Variants in DNAJC10 observed in about 807,000 individuals in gnomAD.
The protein encoded by DNAJC10 is DnaJ heat shock protein family (Hsp40) member C10.
Under a neutral mutation model 115.0 loss-of-function variants are expected in DNAJC10, and 101 were observed. The ratio of observed to expected loss-of-function variants is 0.88; its 90% confidence interval spans 0.75 to 1.04. The LOEUF (loss-of-function observed/expected upper bound fraction) is 1.04. Ranked by LOEUF, DNAJC10 falls within the 50% of genes least tolerant of loss-of-function variation. The pLI is 0.00. For missense variants in DNAJC10, 981 were observed against 928.8 expected (o/e 1.06, Z -0.73); for synonymous variants, 307 against 301.5 (o/e 1.02, Z -0.19).
chr2:182,735,365 G>A (rs543092265), intron 10 of DNAJC10, among the ~76,000 whole-genome samples: 1 of 151,980 alleles, frequency 6.6e-6, no homozygotes, highest in African/African-American at 2.4e-5. Context: ...ATGCAGTAAA[G>A]TGAATACATC....
chr2:182,732,287 TGAAA>T (rs1250174452), intron 9 of DNAJC10, among the ~76,000 whole-genome samples: 2 of 151,412 alleles, frequency 1.3e-5, no homozygotes, highest in Admixed American at 6.6e-5. Context: ...AGGGAGAGAA[TGAAA>T]GAAAGAGGGA....
chr2:182,759,221 G>C lies in DNAJC10; in HGVS notation c.2059G>C (p.Gly687Arg), dbSNP rs768696338. ...GACTTTCAGTGAAAAAGTTCTACAA[G>C]GGAAAAATCATTGGGTGATTGATTT... is the stretch of plus-strand genomic sequence containing the variant. ...PQTFSEKVLQ[G>R]KNHWVIDFYA... The change falls in exon 21 of 24, where the codon GGG becomes CGG. Residue 687 changes from glycine to arginine, a missense_variant. Gly to Arg is a moderately radical substitution (Grantham distance 125). Transcript: ENST00000264065. 2.5e-6 allele frequency: 4 copies of C among 1,609,660 alleles called. No homozygotes were observed. Among genetic ancestry groups the C allele is most frequent in the Non-Finnish European group, 3.4e-6 (4 of 1,178,996 alleles).
chr2:182,727,843 A>ATTTT (rs997322030), intron 5 of DNAJC10, among the ~76,000 whole-genome samples: 1 of 152,312 alleles, frequency 6.6e-6, no homozygotes, highest in East Asian at 1.9e-4. Context: ...ACAATGTTAA[A>ATTTT]TTTTTTAAGT....
At chr2:182,732,334 GTT>G (rs1491410739) in intron 9 of DNAJC10, among the ~76,000 whole-genome samples, 163 bp from the exon 10 acceptor site, 10 of 151,448 alleles carry the variant, frequency 6.6e-5, no homozygotes, top group African/African-American at 7.3e-5. Context: ...TTGTGTGTGT[GTT>G]TGTATGTGTG....
intron 22 of DNAJC10, among the ~76,000 whole-genome samples, chr2:182,770,238 A>T (rs1694525126): frequency 6.6e-6 from 1 of 152,042 alleles, no homozygotes; most frequent in Non-Finnish European, 1.5e-5. Flanking sequence ...TAGTTTGAAG[A>T]AAGGTACTGT....
Position 182,743,542 on chromosome 2 carries a change from ACAAAT to A in DNAJC10, c.1192-50_1192-46del, listed in dbSNP as rs977145166. 3.1e-6 allele frequency: 4 copies of A among 1,300,814 alleles called. No homozygotes were observed. The African/African-American group carries it at 5.9e-5, about 19-fold the overall frequency. The allele number at this position is 1,300,814 out of a possible 1,614,324, so 80.6% of individuals were successfully genotyped here. The stretch of plus-strand genomic sequence containing the variant: ...CATTTTTGGATTATCATGAATATTT[ACAAAT>A]CAAATGGGTAAGACAGTGTTTTTAT... On this transcript the variant is annotated intron_variant, in intron 13 of 23. Coordinates refer to ENST00000264065, the MANE Select transcript of DNAJC10 (RefSeq NM_018981.4).
chr2:182,752,644 T>C (rs1694052289), intron 16 of DNAJC10: 1 of 790,532 alleles, frequency 1.3e-6, no homozygotes, highest in Non-Finnish European at 1.5e-6. Context: ...ACTCCTCAGT[T>C]GCAGGAAGAA....
At chr2:182,747,311 T>C (rs1163173359) in intron 14 of DNAJC10, among the ~76,000 whole-genome samples, 1 of 152,170 alleles carries the variant, frequency 6.6e-6, no homozygotes, top group Non-Finnish European at 1.5e-5. Context: ...AATCTGTAAA[T>C]TACCTTGGGC....
chr2:182,734,628 T>C (rs570920260), intron 10 of DNAJC10, among the ~76,000 whole-genome samples: 1 of 152,022 alleles, frequency 6.6e-6, no homozygotes, highest in Non-Finnish European at 1.5e-5. Flanking sequence ...ATAATTTTAT[T>C]GTCTGCCTAT....
At chr2:182,741,545 G>T (rs1693737138) in intron 13 of DNAJC10, among the ~76,000 whole-genome samples, 189 bp downstream of exon 13, 1 of 151,886 alleles carries the variant, frequency 6.6e-6, no homozygotes, top group Admixed American at 6.6e-5. Flanking sequence ...TCTGAAAGTG[G>T]TTAATTTTCA....
chr2:182,743,415 A>G (rs1693785729), intron 13 of DNAJC10, among the ~76,000 whole-genome samples, 183 bp from the exon 14 acceptor site: 1 of 152,084 alleles, frequency 6.6e-6, no homozygotes. Flanking sequence ...GCATTTTTTT[A>G]ACTAAATTGA....
Position 182,759,227 on chromosome 2 carries a change from A to T in DNAJC10, c.2065A>T (p.Asn689Tyr), listed in dbSNP as rs765338895. 6.2e-7 allele frequency: 1 copy of T among 1,610,116 alleles called. No homozygotes were observed. Among genetic ancestry groups the T allele is most frequent in the Non-Finnish European group, 8.5e-7 (1 of 1,179,128 alleles). ...TFSEKVLQGKNHWVIDFYAPW... is the reference protein window; with the variant it reads ...TFSEKVLQGKYHWVIDFYAPW... ...CAGTGAAAAAGTTCTACAAGGGAAA[A>T]ATCATTGGGTGATTGATTTCTATGC... Residue 689 changes from asparagine (N) to tyrosine (Y), a missense_variant, in exon 21 of 24, where the codon AAT becomes TAT. Asn to Tyr is a moderately radical substitution (Grantham distance 143). Transcript: ENST00000264065.
At chr2:182,730,962 G>A in intron 8 of DNAJC10, 68 bp from the exon 9 acceptor site, 1 of 1,057,436 alleles carries the variant, frequency 9.5e-7, no homozygotes. Context: ...AAATTACTTA[G>A]AAGACTGTTT....
chr2:182,717,637 C>T (rs755105220), intron 2 of DNAJC10, among the ~76,000 whole-genome samples: 5 of 152,188 alleles, frequency 3.3e-5, no homozygotes, highest in Admixed American at 6.5e-5. Context: ...AAAGAGGAAG[C>T]ACCTGTAGCT....
chr2:182,766,850 G>A (rs1475765341), intron 22 of DNAJC10, among the ~76,000 whole-genome samples: 1 of 152,050 alleles, frequency 6.6e-6, no homozygotes, highest in Non-Finnish European at 1.5e-5. Flanking sequence ...TCTACTTAAG[G>A]GGGATGGGAG....
rs1402729518 is a variant in DNAJC10 at position 182,775,183 on chromosome 2, G to C, written c.2266-133G>C. ...TTTTGCAGCATTATTTCCTTGAAGA[G>C]AATAAATTTGAATTTCAAACACTTC... On this transcript the variant is annotated intron_variant, in intron 22 of 23. Transcript: ENST00000264065. The C allele has an allele frequency of 4.9e-6, 3 of 608,378 alleles. No individual in the cohort carries two copies. The African/African-American group carries it at 5.6e-5, about 11-fold the overall frequency. The allele number at this position is 608,378 out of a possible 1,614,324, so 37.7% of individuals were successfully genotyped here. A position where few individuals can be genotyped will look rare whatever the true frequency, so the allele number is the denominator to read the frequency against.
At chr2:182,762,302 G>C (rs905732599) in intron 21 of DNAJC10, among the ~76,000 whole-genome samples, 2 of 152,074 alleles carry the variant, frequency 1.3e-5, no homozygotes, top group Non-Finnish European at 2.9e-5. Context: ...GGTGGAGTAA[G>C]TCAGCCTTCA....
rs1385660033 is a variant in DNAJC10 at position 182,792,784 on chromosome 2, A to G, written c.*15652A>G. ...GTTACATGAGCTCAACATGAGCCCC[A>G]TGTCACTCAGCAAACATTTATTTGA... On this transcript the variant is annotated 3_prime_UTR_variant, in exon 24 of 24. Transcript: ENST00000264065. The G allele has an allele frequency of 6.6e-6, 1 of 152,218 alleles. No individual in the cohort carries two copies. Among genetic ancestry groups the G allele is most frequent in the Non-Finnish European group, 1.5e-5 (1 of 68,042 alleles). 9.4% of individuals were successfully genotyped at this position (152,218 alleles called of 1,614,324 possible).
chr2:182,760,378 A>G (rs1259691030), intron 21 of DNAJC10, among the ~76,000 whole-genome samples: 4 of 152,206 alleles, frequency 2.6e-5, no homozygotes, highest in African/African-American at 7.2e-5. Flanking sequence ...ACCAGAAATA[A>G]AAGGAGCTGG....
Sources: gnomAD v4.1 joint callset for allele counts (sites outside exome capture counted in the v4.1 genomes callset) on GRCh38, gnomAD v4.1.1 for gene constraint, MANE v1.5 for transcripts, NCBI Gene and HGNC (gene_info 2026-07-23, HGNC 2026-07-21) for gene names.